The following SCAPER variants were observed in gnomAD, a reference collection of about 807,000 sequenced individuals.
The protein encoded by SCAPER is S phase cyclin A-associated protein in the endoplasmic reticulum.
In SCAPER, 98 loss-of-function variants were observed where a neutral mutation model predicts 182.2. That is an observed-to-expected ratio of 0.54 (90% CI 0.46 to 0.64). SCAPER has a LOEUF of 0.64. Among genes scored for constraint, SCAPER ranks in the 30% least tolerant of loss-of-function variants. The pLI is 0.00. For synonymous variants in SCAPER, 605 were observed against 564.6 expected (o/e 1.07, Z -1.01); for missense variants, 1,432 against 1,690.0 (o/e 0.85, Z 2.68).
chr15:76,563,888 TAA>T (rs1416109213), intron 23 of SCAPER, among the ~76,000 whole-genome samples: 1 of 152,126 alleles, frequency 6.6e-6, no homozygotes, highest in Non-Finnish European at 1.5e-5. Context: ...ACTCCTCACA[TAA>T]ACAGAATTAA....
chr15:76,878,556 G>A (rs1362207357), intron 2 of SCAPER, among the ~76,000 whole-genome samples: 1 of 152,118 alleles, frequency 6.6e-6, no homozygotes, highest in African/African-American at 2.4e-5. Flanking sequence ...AAGCTACAGA[G>A]TAGGAGAAGT....
intron 5 of SCAPER, among the ~76,000 whole-genome samples, chr15:76,835,878 A>G (rs1476909457): frequency 6.7e-6 from 1 of 150,330 alleles, no homozygotes; most frequent in Non-Finnish European, 1.5e-5. Context: ...TCTATACACC[A>G]GTAACGTTCA....
intron 5 of SCAPER, among the ~76,000 whole-genome samples, chr15:76,835,705 G>A (rs1310829455): frequency 6.6e-6 from 1 of 152,022 alleles, no homozygotes; most frequent in Admixed American, 6.6e-5. Context: ...ACAATCAGGT[G>A]AGAGAATAAA....
chr15:76,356,303 G>A (rs2040959907), intron 29 of SCAPER, among the ~76,000 whole-genome samples: 1 of 152,126 alleles, frequency 6.6e-6, no homozygotes, highest in Admixed American at 6.5e-5. Context: ...CAGGGGGCAG[G>A]GCTGGAAATG....
intron 15 of SCAPER, among the ~76,000 whole-genome samples, chr15:76,749,263 T>C (rs1224845364): frequency 6.6e-6 from 1 of 152,060 alleles, no homozygotes; most frequent in Non-Finnish European, 1.5e-5. Flanking sequence ...GTATCTTAAT[T>C]GACAAAACAC....
chr15:76,861,632 T>C (rs373817750), intron 3 of SCAPER, among the ~76,000 whole-genome samples: 23 of 152,292 alleles, frequency 1.5e-4, no homozygotes, highest in African/African-American at 5.5e-4. Context: ...CAAATAATAA[T>C]AATGAGAACT....
At chr15:76,661,469 A>C (rs1306691507) in intron 21 of SCAPER, among the ~76,000 whole-genome samples, 1 of 152,212 alleles carries the variant, frequency 6.6e-6, no homozygotes, top group Non-Finnish European at 1.5e-5. Flanking sequence ...CAAGGAACTT[A>C]AACAAATTTA....
At position 76,454,849 on chromosome 15, in the gene SCAPER, CT is replaced by C. The variant is rs898158433; in HGVS notation, c.3078+16362del. ...GCCATAGCATTATTTAGGCCTGGTG[CT>C]TTTTTTTTTAATAGGTAGATTTTAA... On this transcript the variant is annotated intron_variant, in intron 25 of 31. Coordinates refer to ENST00000563290, the MANE Select transcript of SCAPER (RefSeq NM_020843.4). Among the ~76,000 whole-genome samples the C allele has an allele frequency of 1.8e-4, 26 of 145,650 alleles. No individual in the cohort carries two copies. In the East Asian group the frequency reaches 1.8e-3, roughly 10 times the overall value.
chr15:76,654,116 T>C (rs2055404475), intron 21 of SCAPER, among the ~76,000 whole-genome samples: 1 of 152,148 alleles, frequency 6.6e-6, no homozygotes, highest in African/African-American at 2.4e-5. Flanking sequence ...GCATCACTAA[T>C]AATCAGAGAA....
At chr15:76,712,372 G>T (rs902120838) in intron 17 of SCAPER, among the ~76,000 whole-genome samples, 27 of 152,186 alleles carry the variant, frequency 1.8e-4, no homozygotes, top group African/African-American at 6.5e-4. Flanking sequence ...CAGGTAGTGT[G>T]ATGCCTCCAG....
intron 28 of SCAPER, chr15:76,380,595 T>C (rs1227432158): frequency 2.6e-5 from 4 of 152,208 alleles, no homozygotes; most frequent in Admixed American, 2.6e-4. Context: ...ATCTAAATTA[T>C]GGGTTCATCA....
intron 15 of SCAPER, among the ~76,000 whole-genome samples, chr15:76,737,291 C>T (rs759536786): frequency 9.2e-5 from 14 of 152,328 alleles, no homozygotes; most frequent in South Asian, 4.1e-4. Flanking sequence ...TTAGCAGGCA[C>T]GAAAACACTA....
intron 22 of SCAPER, among the ~76,000 whole-genome samples, chr15:76,578,513 G>C (rs1425148855): frequency 6.6e-6 from 1 of 152,222 alleles, no homozygotes; most frequent in Non-Finnish European, 1.5e-5. Context: ...CAGAGAGAGA[G>C]AGACTCCATT....
rs971639910 is a variant in SCAPER at position 76,421,805 on chromosome 15, G to A, written c.3311+12273C>T. 2.6e-4 allele frequency among the ~76,000 whole-genome samples: 39 copies of A among 152,278 alleles called. No individual in the cohort carries two copies. The South Asian group carries it at 3.3e-3, about 13-fold the overall frequency. ...TCTTGAATTAAGTTTTGTATAAGGT[G>A]TAAGGAAGGGATCCAGTTTCAGCTT... is the stretch of plus-strand genomic sequence containing the variant. On this transcript the variant is annotated intron_variant, in intron 26 of 31. Coordinates refer to ENST00000563290, the MANE Select transcript of SCAPER (RefSeq NM_020843.4).
At chr15:76,471,991 C>A in intron 24 of SCAPER, 1 of 205,660 alleles carries the variant, frequency 4.9e-6, no homozygotes, top group Admixed American at 5.3e-5. Context: ...CTATAAAGCC[C>A]CCAGAGCCTG....
chr15:76,478,387 T>A (rs1336123228), intron 24 of SCAPER, among the ~76,000 whole-genome samples: 3 of 152,096 alleles, frequency 2.0e-5, no homozygotes, highest in Admixed American at 6.5e-5. Flanking sequence ...TTAAAGTTTT[T>A]AAAAATATAT....
chr15:76,480,881 C>A (rs1297127998), intron 24 of SCAPER, among the ~76,000 whole-genome samples: 3 of 152,138 alleles, frequency 2.0e-5, no homozygotes, highest in African/African-American at 7.2e-5. Context: ...CAGGCGCCTA[C>A]CACTATGCCT....
chr15:76,721,278 G>C (rs1178940697), intron 17 of SCAPER, among the ~76,000 whole-genome samples: 2 of 151,984 alleles, frequency 1.3e-5, no homozygotes, highest in African/African-American at 4.8e-5. Context: ...CTGTTCCATT[G>C]GTCTATAACT....
intron 26 of SCAPER, among the ~76,000 whole-genome samples, chr15:76,405,534 G>A (rs551372679): frequency 6.6e-6 from 1 of 152,206 alleles, no homozygotes; most frequent in East Asian, 1.9e-4. Flanking sequence ...CCAGTCCTGA[G>A]GGTTGACAAC....
Sources: allele counts gnomAD v4.1 joint callset (sites outside exome capture counted in the v4.1 genomes callset), GRCh38; gene constraint gnomAD v4.1.1; transcripts MANE v1.5; gene names NCBI Gene and HGNC (gene_info 2026-07-23, HGNC 2026-07-21).